Variants in WIF1 observed in about 807,000 individuals in gnomAD.
WIF1 encodes Wnt inhibitory factor 1.
A neutral mutation model predicts 53.5 loss-of-function variants in WIF1; 35 were observed. That is an observed-to-expected ratio of 0.65 (90% confidence interval 0.50 to 0.87). The LOEUF is 0.87. WIF1 is among the 40% of genes least tolerant of loss of function. The probability of loss-of-function intolerance (pLI) is 0.00; values close to 1 mark genes in which losing one functional copy is unlikely to be tolerated. For synonymous variants in WIF1, 171 were observed against 170.4 expected (o/e 1.00, Z -0.03); for missense variants, 467 against 476.8 (o/e 0.98, Z 0.19).
At chr12:65,110,199 A>T (rs1883409343) in intron 2 of WIF1, among the ~76,000 whole-genome samples, 1 of 152,156 alleles carries the variant, frequency 6.6e-6, no homozygotes, top group Admixed American at 6.5e-5. Context: ...GTGTTTCTCC[A>T]TCTGGCCCTG....
chr12:65,097,053 A>G (rs1883216421), intron 2 of WIF1, among the ~76,000 whole-genome samples: 1 of 151,950 alleles, frequency 6.6e-6, no homozygotes, highest in Non-Finnish European at 1.5e-5. Flanking sequence ...ATCAACAGAA[A>G]AAAACTCGAT....
chr12:65,070,315 A>G (rs1882754197), intron 3 of WIF1, among the ~76,000 whole-genome samples: 1 of 152,214 alleles, frequency 6.6e-6, no homozygotes, highest in Non-Finnish European at 1.5e-5. Flanking sequence ...AAACACAGAT[A>G]TTTTAACAGA....
chr12:65,086,631 G>C (rs1883042034), intron 2 of WIF1, among the ~76,000 whole-genome samples: 1 of 151,918 alleles, frequency 6.6e-6, no homozygotes, highest in Non-Finnish European at 1.5e-5. Context: ...GTGTGTGCAG[G>C]TACTTGGGAG....
chr12:65,058,943 T>C (rs1882570029), intron 7 of WIF1, among the ~76,000 whole-genome samples: 1 of 152,078 alleles, frequency 6.6e-6, no homozygotes, highest in South Asian at 2.1e-4. Flanking sequence ...TCTCAGCTAC[T>C]TGGGAGGCTG....
At chr12:65,057,049 G>A (rs1204427022) in intron 7 of WIF1, among the ~76,000 whole-genome samples, 3 of 152,180 alleles carry the variant, frequency 2.0e-5, no homozygotes, top group Non-Finnish European at 4.4e-5. Context: ...GGATCTGCAT[G>A]CAGCTAGTTT....
chr12:65,054,792 A>G (rs537590963), intron 9 of WIF1, among the ~76,000 whole-genome samples: 7 of 152,232 alleles, frequency 4.6e-5, no homozygotes, highest in Non-Finnish European at 1.0e-4. Flanking sequence ...TTAACACACT[A>G]TATTACCCCT....
At chr12:65,078,213 G>C (rs1431417813) in intron 2 of WIF1, among the ~76,000 whole-genome samples, 1 of 151,990 alleles carries the variant, frequency 6.6e-6, no homozygotes, top group African/African-American at 2.4e-5. Flanking sequence ...TGAGTAGCTG[G>C]GATTACAGGC....
rs866834670 is a variant in WIF1, at chr12:65,081,235, C to T, written c.289-3381G>A. On this transcript the variant is annotated intron_variant, in intron 2 of 9. Coordinates refer to ENST00000286574, the MANE Select transcript of WIF1 (RefSeq NM_007191.5). The stretch of plus-strand genomic sequence containing the variant: ...ATATTCTTCTTGAACATCTATTTAA[C>T]GTGGCTGTGTTTAAACAACAATTTT... 5.3e-5 allele frequency among the ~76,000 whole-genome samples: 8 copies of T among 152,192 alleles called. No individual in the cohort carries two copies. In the Middle Eastern group the frequency reaches 0.01, roughly 194 times the overall value.
At chr12:65,062,678 C>T in intron 6 of WIF1, 102 bp from the exon 7 acceptor site, 1 of 1,020,876 alleles carries the variant, frequency 9.8e-7, no homozygotes, top group Non-Finnish European at 1.4e-6. Flanking sequence ...CTGCTTGCTA[C>T]TTGCCCATTT....
chr12:65,120,355 G>A lies in WIF1; in HGVS notation c.288+62C>T, dbSNP rs1883581291. The A allele has an allele frequency of 7.7e-6, 12 of 1,555,540 alleles. No homozygotes were observed. The South Asian group carries it at 1.1e-4, about 14-fold the overall frequency. On this transcript the variant is annotated intron_variant, in intron 2 of 9. Coordinates refer to ENST00000286574, the MANE Select transcript of WIF1 (RefSeq NM_007191.5). ...AATGTACCAGGCTACACACTATACA[G>A]TACTATTTCCACCTGCCATAAGGCA...
intron 2 of WIF1, among the ~76,000 whole-genome samples, chr12:65,087,376 C>G (rs1187150235): frequency 1.3e-5 from 2 of 152,062 alleles, no homozygotes; most frequent in Admixed American, 6.6e-5. Flanking sequence ...AATTAATGTT[C>G]CATTTCTTTC....
At chr12:65,097,801 T>C (rs1277390255) in intron 2 of WIF1, among the ~76,000 whole-genome samples, 1 of 152,222 alleles carries the variant, frequency 6.6e-6, no homozygotes, top group Admixed American at 6.6e-5. Context: ...GCATTGTCTT[T>C]TATGTATTTC....
intron 2 of WIF1, among the ~76,000 whole-genome samples, chr12:65,088,450 T>G (rs534263091): frequency 6.6e-6 from 1 of 152,152 alleles, no homozygotes; most frequent in Non-Finnish European, 1.5e-5. Context: ...ACTAATGTGA[T>G]GAAAAGATTA....
In WIF1 at chr12:65,077,913, C is replaced by T. The variant is rs560464421; in HGVS notation, c.289-59G>A. Reference sequence around the variant, plus strand: ...GAAACCAGAGAGGGAGAAGGCACCACAGAATTCATCGTCCATCTGATGGGG... The same window carrying T: ...GAAACCAGAGAGGGAGAAGGCACCATAGAATTCATCGTCCATCTGATGGGG... On this transcript the variant is annotated intron_variant, in intron 2 of 9. Transcript: ENST00000286574. 60 of 1,290,876 alleles carry T rather than the reference C, an allele frequency of 4.6e-5. No homozygotes were observed. The African/African-American group carries it at 6.1e-4, about 13-fold the overall frequency. The allele number at this position is 1,290,876 out of a possible 1,614,324, so 80.0% of individuals were successfully genotyped here.
intron 2 of WIF1, among the ~76,000 whole-genome samples, chr12:65,081,731 T>C (rs565574705): frequency 1.3e-5 from 2 of 152,296 alleles, no homozygotes; most frequent in East Asian, 3.9e-4. Context: ...AGATGATAAC[T>C]AATGGTGCAT....
intron 2 of WIF1, among the ~76,000 whole-genome samples, chr12:65,117,520 A>G (rs1883530880): frequency 6.6e-6 from 1 of 152,164 alleles, no homozygotes; most frequent in Non-Finnish European, 1.5e-5. Context: ...GTTTTGTGGA[A>G]GACATTTTTT....
chr12:65,078,196 AGCCTCCTGAGT>A (rs1456505003), intron 2 of WIF1, among the ~76,000 whole-genome samples: 13 of 152,276 alleles, frequency 8.5e-5, no homozygotes, highest in African/African-American at 3.1e-4. Flanking sequence ...CTCCTGCCTC[AGCCTCCTGAGT>A]AGCTGGGATT....
intron 3 of WIF1, among the ~76,000 whole-genome samples, chr12:65,073,390 C>T (rs1267923907): frequency 6.6e-6 from 1 of 152,152 alleles, no homozygotes; most frequent in Admixed American, 6.6e-5. Context: ...AACACCACTG[C>T]TCTGTTGGTT....
intron 2 of WIF1, among the ~76,000 whole-genome samples, chr12:65,078,759 C>T (rs1334261976): frequency 3.9e-5 from 6 of 152,128 alleles, no homozygotes; most frequent in Admixed American, 3.9e-4. Context: ...CCCACTAAGT[C>T]TAGTTGAGAA....
Sources: allele counts gnomAD v4.1 joint callset (sites outside exome capture counted in the v4.1 genomes callset), GRCh38; gene constraint gnomAD v4.1.1; transcripts MANE v1.5; gene names NCBI Gene and HGNC (gene_info 2026-07-23, HGNC 2026-07-21).